The following AKAP9 variants were observed in gnomAD, a reference collection of about 807,000 sequenced individuals.
The protein encoded by AKAP9 is A-kinase anchor protein 9.
AKAP9 carries 311 observed loss-of-function variants against 488.5 expected under a neutral mutation model. The ratio of observed to expected loss-of-function variants is 0.64; its 90% CI spans 0.58 to 0.70. The LOEUF (loss-of-function observed/expected upper bound fraction) is 0.70. Among genes scored for constraint, AKAP9 ranks in the 30% least tolerant of loss-of-function variants. The probability of loss-of-function intolerance (pLI) is 0.00; values close to 1 mark genes in which losing one functional copy is unlikely to be tolerated. For synonymous variants in AKAP9, 1,462 were observed against 1,483.5 expected, an observed-to-expected ratio of 0.99 and a Z score of 0.33; for missense variants, 4,215 against 4,374.5, an observed-to-expected ratio of 0.96 and a Z score of 1.03.
chr7:92,016,257 T>C lies in AKAP9; in HGVS notation c.3741T>C (p.Tyr1247=), dbSNP rs1411763455. Residue 1247 remains tyrosine, a synonymous_variant, in exon 11 of 50, where the codon TAT becomes TAC. Coordinates refer to ENST00000356239, the MANE Select transcript of AKAP9 (RefSeq NM_005751.5). ...ATCCAGAATTACAAGATTATAGATA[T>C]GAAGTTCAAGGTAATAAAAGCTTAC... ...NEDPELQDYR[Y]EVQDFQENMH... 3.9e-6 allele frequency: 6 copies of C among 1,542,546 alleles called. No homozygotes were observed. The highest frequency in any genetic ancestry group is 2.7e-5 in the African/African-American group (2 of 73,392).
At chr7:92,028,730 AG>A (rs1208171360) in intron 14 of AKAP9, among the ~76,000 whole-genome samples, 2 of 152,252 alleles carry the variant, frequency 1.3e-5, no homozygotes, top group African/African-American at 4.8e-5. Context: ...TACTATTATG[AG>A]AATAAAATTA....
In AKAP9 at chr7:92,003,255, T is replaced by A; in HGVS notation, c.3318+20T>A. 1 of 1,527,112 alleles carries A rather than the reference T, an allele frequency of 6.5e-7. No homozygotes were observed. Among genetic ancestry groups the A allele is most frequent in the Non-Finnish European group, 9.1e-7 (1 of 1,104,466 alleles). 94.6% of individuals were successfully genotyped at this position (1,527,112 alleles called of 1,614,324 possible). A position where few individuals can be genotyped will look rare whatever the true frequency, so the allele number is the denominator to read the frequency against. ...GAACAGGTATGTTTACTTCTTCATATATGGTAAAGCACAATGAAAAAAATG... is the reference window on the plus strand; with the variant it reads ...GAACAGGTATGTTTACTTCTTCATAAATGGTAAAGCACAATGAAAAAAATG... On this transcript the variant is annotated intron_variant, in intron 8 of 49. Transcript: ENST00000356239.
intron 37 of AKAP9, 102 bp from the exon 38 acceptor site, chr7:92,089,283 T>G (rs1006800494): frequency 1.5e-6 from 2 of 1,341,978 alleles, no homozygotes; most frequent in Non-Finnish European, 2.1e-6. Flanking sequence ...AAAAGAAAAT[T>G]TTAGTATGTG....
chr7:91,940,948 A>G lies in AKAP9; in HGVS notation c.-152A>G. The G allele has an allele frequency of 2.5e-6, 2 of 802,908 alleles. No homozygotes were observed. Among genetic ancestry groups the G allele is most frequent in the Admixed American group, 3.9e-5 (2 of 51,888 alleles). 49.7% of individuals were successfully genotyped at this position (802,908 alleles called of 1,614,324 possible). A position where few individuals can be genotyped will look rare whatever the true frequency, so the allele number is the denominator to read the frequency against. ...GAGGACGATCCGCCAGTGAGCGCGG[A>G]GACTGCTTCCACTTCGGGCGGGGGA... On this transcript the variant is annotated 5_prime_UTR_variant, in exon 1 of 50. Transcript: ENST00000356239.
intron 1 of AKAP9, among the ~76,000 whole-genome samples, chr7:91,948,605 C>CCTTTTTT (rs1791773313): frequency 9.3e-6 from 1 of 107,562 alleles, no homozygotes; most frequent in Non-Finnish European, 1.8e-5. Flanking sequence ...TTGTAGATTT[C>CCTTTTTT]TTTTTTTTTT....
intron 3 of AKAP9, among the ~76,000 whole-genome samples, chr7:91,986,885 T>G (rs1014823681): frequency 6.6e-6 from 1 of 151,600 alleles, no homozygotes; most frequent in Admixed American, 6.6e-5. Flanking sequence ...TGTAATTTCA[T>G]ATATATACAT....
chr7:91,956,648 AT>A (rs888263790), intron 1 of AKAP9, among the ~76,000 whole-genome samples: 1 of 151,008 alleles, frequency 6.6e-6, no homozygotes. Context: ...TAGACAGCAT[AT>A]TTTTTTTTGT....
At chr7:92,090,955 C>A (rs998512751) in intron 38 of AKAP9, among the ~76,000 whole-genome samples, 2 of 152,308 alleles carry the variant, frequency 1.3e-5, no homozygotes, top group South Asian at 2.1e-4. Flanking sequence ...AGTCAGACTT[C>A]TGTTGCCAAT....
At position 92,069,886 on chromosome 7, in the gene AKAP9, C is replaced by T. The variant is rs560808103; in HGVS notation, c.6331-144C>T. On this transcript the variant is annotated intron_variant, in intron 26 of 49. Coordinates refer to ENST00000356239, the MANE Select transcript of AKAP9 (RefSeq NM_005751.5). ...CAGCCTGGGTAACATAATGAGACTC[C>T]ATTTCTTAAACAGACAAACAAAAAC... The T allele has an allele frequency of 3.2e-5, 22 of 697,708 alleles. No individual in the cohort carries two copies. In the South Asian group the frequency reaches 3.2e-4, roughly 10 times the overall value. The allele number at this position is 697,708 out of a possible 1,614,324, so 43.2% of individuals were successfully genotyped here.
At chr7:92,100,497 A>C (rs558521418) in intron 44 of AKAP9, among the ~76,000 whole-genome samples, 8 of 152,244 alleles carry the variant, frequency 5.3e-5, no homozygotes, top group African/African-American at 1.9e-4. Flanking sequence ...TATTATGTAC[A>C]TACTGGCTTG....
At chr7:92,047,690 C>A (rs940519916) in intron 21 of AKAP9, among the ~76,000 whole-genome samples, 1 of 152,126 alleles carries the variant, frequency 6.6e-6, no homozygotes, top group Non-Finnish European at 1.5e-5. Flanking sequence ...AAAACCACTA[C>A]GTATATTTGA....
chr7:91,981,924 G>A (rs1048456001), intron 3 of AKAP9, among the ~76,000 whole-genome samples: 2 of 152,150 alleles, frequency 1.3e-5, no homozygotes, highest in African/African-American at 4.8e-5. Flanking sequence ...TTTCTTGACT[G>A]AAAGTCATAA....
intron 47 of AKAP9, among the ~76,000 whole-genome samples, chr7:92,106,915 T>C (rs1270283562): frequency 6.6e-6 from 1 of 152,214 alleles, no homozygotes; most frequent in African/African-American, 2.4e-5. Context: ...AGTCAGTAGA[T>C]TGGAATGGTT....
rs1242811961 is a variant in AKAP9, at chr7:92,101,052, T to C, written c.11093T>C (p.Leu3698Ser). 3 of 1,612,916 alleles carry C rather than the reference T, an allele frequency of 1.9e-6. No homozygotes were observed. Among genetic ancestry groups the C allele is most frequent in the East Asian group, 4.5e-5 (2 of 44,882 alleles). ...TLSPDSEHVTLKRIYGKYLRA... is the reference protein window; with the variant it reads ...TLSPDSEHVTSKRIYGKYLRA... The stretch of plus-strand genomic sequence containing the variant: ...AGCCCTGATTCTGAACATGTCACTT[T>C]AAAGGTAGGAGACATCTCCCATCTA... The change falls in exon 45 of 50, where the codon TTA becomes TCA. Residue 3698 changes from leucine (L) to serine (S), a missense_variant. By Grantham distance (145) the Leu-to-Ser change is moderately radical (BLOSUM62 -2). This residue lies in a region of AKAP9 where 253 missense variants were observed against 266.8 expected (regional missense o/e 0.95). Coordinates refer to ENST00000356239, the MANE Select transcript of AKAP9 (RefSeq NM_005751.5).
chr7:92,047,367 C>T (rs1807182194), intron 21 of AKAP9, among the ~76,000 whole-genome samples: 1 of 152,128 alleles, frequency 6.6e-6, no homozygotes, highest in Non-Finnish European at 1.5e-5. Flanking sequence ...CAGGTGCCTG[C>T]CACCATGCCT....
intron 16 of AKAP9, among the ~76,000 whole-genome samples, chr7:92,032,472 G>A (rs1458983962): frequency 6.8e-6 from 1 of 147,164 alleles, no homozygotes; most frequent in Non-Finnish European, 1.5e-5. Context: ...CTCCAGCTTG[G>A]CCAACAAAAG....
intron 1 of AKAP9, among the ~76,000 whole-genome samples, chr7:91,972,661 G>A (rs1795238118): frequency 6.6e-6 from 1 of 152,190 alleles, no homozygotes; most frequent in African/African-American, 2.4e-5. Flanking sequence ...GGAAGCGAAG[G>A]CAACTTGCTT....
At chr7:92,074,699 C>T (rs139869635) in intron 28 of AKAP9, among the ~76,000 whole-genome samples, 1 of 152,146 alleles carries the variant, frequency 6.6e-6, no homozygotes, top group Non-Finnish European at 1.5e-5. Flanking sequence ...AGGATGAGTT[C>T]ATGTCCTTTG....
chr7:92,034,564 C>T (rs1269011421), intron 16 of AKAP9, among the ~76,000 whole-genome samples: 1 of 138,460 alleles, frequency 7.2e-6, no homozygotes, highest in African/African-American at 2.7e-5. Flanking sequence ...TGCAGTGGCA[C>T]AATCTCAGCT....
Sources: allele counts gnomAD v4.1 joint callset (sites outside exome capture counted in the v4.1 genomes callset), GRCh38; gene constraint gnomAD v4.1.1; regional missense constraint gnomAD v4.1.1; transcripts MANE v1.5; gene names NCBI Gene and HGNC (gene_info 2026-07-23, HGNC 2026-07-21).